Variants in FNIP2 observed in about 807,000 individuals in gnomAD.
The protein encoded by FNIP2 is folliculin-interacting protein 2.
Under a neutral mutation model 108.7 loss-of-function variants are expected in FNIP2, and 32 were observed. The observed-to-expected ratio is 0.29, with a 90% CI of 0.22 to 0.40. The LOEUF (loss-of-function observed/expected upper bound fraction) is 0.40. Ranked by LOEUF, FNIP2 falls within the 10% of genes least tolerant of loss-of-function variation. The probability of loss-of-function intolerance (pLI) is 1.00; values close to 1 mark genes in which losing one functional copy is unlikely to be tolerated. For synonymous variants in FNIP2, 480 were observed against 496.7 expected, an observed-to-expected ratio of 0.97 and a Z score of 0.45; for missense variants, 1,202 against 1,381.6, an observed-to-expected ratio of 0.87 and a Z score of 2.06.
chr4:158,903,347 C>A (rs1462396378), intron 16 of FNIP2, among the ~76,000 whole-genome samples: 1 of 152,170 alleles, frequency 6.6e-6, no homozygotes, highest in African/African-American at 2.4e-5. Context: ...CCGGGTACAT[C>A]AGTTGGAAAT....
At chr4:158,871,736 C>T in intron 14 of FNIP2, 1 of 984,788 alleles carries the variant, frequency 1.0e-6, no homozygotes, top group African/African-American at 1.7e-5. Flanking sequence ...TGCTTTTGTC[C>T]CTATAATATC....
intron 7 of FNIP2, among the ~76,000 whole-genome samples, chr4:158,843,716 G>T (rs1187705175): frequency 1.3e-5 from 2 of 152,220 alleles, no homozygotes; most frequent in African/African-American, 4.8e-5. Flanking sequence ...TGTATCGTGG[G>T]GATGGGAGAG....
chr4:158,864,520 A>G (rs1364316025), intron 12 of FNIP2, among the ~76,000 whole-genome samples: 2 of 152,138 alleles, frequency 1.3e-5, no homozygotes, highest in African/African-American at 4.8e-5. Context: ...TTAAGATACT[A>G]AACTCTCTTC....
chr4:158,869,185 T>A lies in FNIP2; in HGVS notation c.2549T>A (p.Leu850Gln). Residue 850 changes from leucine to glutamine, a missense_variant, in exon 13 of 17, where the codon CTG becomes CAG. Physicochemically the swap from Leu to Gln is moderately radical, Grantham distance 113 (BLOSUM62 -2). Coordinates refer to ENST00000264433, the MANE Select transcript of FNIP2 (RefSeq NM_020840.3). ...LYVKAAEGPV[L>Q]EPVAPRCVQR... ...GTGAAGGCTGCGGAAGGACCTGTGCTGGAGCCTGTTGCCCCCAGGTGTGTC... is the reference window on the plus strand; with the variant it reads ...GTGAAGGCTGCGGAAGGACCTGTGCAGGAGCCTGTTGCCCCCAGGTGTGTC... The A allele has an allele frequency of 1.2e-6, 2 of 1,614,062 alleles. No individual in the cohort carries two copies. The highest frequency in any genetic ancestry group is 1.7e-6 in the Non-Finnish European group (2 of 1,179,900).
At chr4:158,885,176 C>T (rs1402582334) in intron 14 of FNIP2, among the ~76,000 whole-genome samples, 1 of 151,926 alleles carries the variant, frequency 6.6e-6, no homozygotes, top group East Asian at 1.9e-4. Flanking sequence ...AAAAAATCAG[C>T]TCTCGTGAGA....
intron 1 of FNIP2, among the ~76,000 whole-genome samples, chr4:158,797,519 G>C (rs1254098441): frequency 1.3e-5 from 2 of 152,134 alleles, no homozygotes; most frequent in Non-Finnish European, 2.9e-5. Flanking sequence ...GGGCAACATG[G>C]TGAGACCCCA....
At chr4:158,770,167 A>G (rs555841107) in intron 1 of FNIP2, among the ~76,000 whole-genome samples, 5 of 110,034 alleles carry the variant, frequency 4.5e-5, no homozygotes, top group Non-Finnish European at 1.0e-4. Context: ...CTGTGTTTTG[A>G]CCCAAGCAGT....
chr4:158,860,245 A>C (rs1234269484), intron 10 of FNIP2, among the ~76,000 whole-genome samples: 1 of 152,152 alleles, frequency 6.6e-6, no homozygotes, highest in Non-Finnish European at 1.5e-5. Flanking sequence ...CACTTTCTTG[A>C]TAGGGAATGG....
intron 15 of FNIP2, among the ~76,000 whole-genome samples, chr4:158,891,899 T>C (rs1162962389): frequency 1.3e-5 from 2 of 152,048 alleles, no homozygotes; most frequent in Non-Finnish European, 1.5e-5. Flanking sequence ...AAATAAGGAA[T>C]GGGTGGAGAG....
intron 1 of FNIP2, among the ~76,000 whole-genome samples, chr4:158,813,370 G>A (rs531936531): frequency 6.6e-6 from 1 of 152,300 alleles, no homozygotes; most frequent in East Asian, 1.9e-4. Flanking sequence ...TCCAGACTTT[G>A]GCCATTCTAA....
intron 14 of FNIP2, among the ~76,000 whole-genome samples, chr4:158,881,545 TC>T (rs1781630361): frequency 1.3e-5 from 1 of 75,184 alleles, no homozygotes; most frequent in African/African-American, 6.9e-5. Context: ...CACTGCAAGC[TC>T]CCTGCCTGAT....
intron 14 of FNIP2, among the ~76,000 whole-genome samples, chr4:158,875,717 A>G (rs1781244519): frequency 6.6e-6 from 1 of 152,008 alleles, no homozygotes; most frequent in Non-Finnish European, 1.5e-5. Context: ...ATGTAGGACA[A>G]ATCCACTATT....
chr4:158,790,533 C>G (rs922121330), intron 1 of FNIP2, among the ~76,000 whole-genome samples: 3 of 152,004 alleles, frequency 2.0e-5, no homozygotes, highest in African/African-American at 7.2e-5. Flanking sequence ...AGGAGGATCA[C>G]TTGAGGCCAG....
intron 1 of FNIP2, among the ~76,000 whole-genome samples, chr4:158,816,278 G>A (rs2126527718): frequency 6.6e-6 from 1 of 152,200 alleles, no homozygotes; most frequent in East Asian, 1.9e-4. Flanking sequence ...ATCTAGAAGT[G>A]AATAACATAT....
chr4:158,789,609 C>A (rs1776336969), intron 1 of FNIP2, among the ~76,000 whole-genome samples: 1 of 152,134 alleles, frequency 6.6e-6, no homozygotes. Flanking sequence ...AGGTACAAAG[C>A]ATTGTTAGAG....
intron 1 of FNIP2, among the ~76,000 whole-genome samples, chr4:158,809,223 C>G (rs1186249662): frequency 6.6e-6 from 1 of 152,208 alleles, no homozygotes; most frequent in East Asian, 1.9e-4. Context: ...CTTTGGGAGG[C>G]TGAGGTGGGC....
At position 158,793,830 on chromosome 4, in the gene FNIP2, C is replaced by G. The variant is rs6849294; in HGVS notation, c.107+24511C>G. On this transcript the variant is annotated intron_variant, in intron 1 of 16. Coordinates refer to ENST00000264433, the MANE Select transcript of FNIP2 (RefSeq NM_020840.3). ...TGGCCACTGGGTTAGGTTTCATACTCCTTCTATTGGTTGCTGTGATGGGGT... is the reference window on the plus strand; with the variant it reads ...TGGCCACTGGGTTAGGTTTCATACTGCTTCTATTGGTTGCTGTGATGGGGT... Among the ~76,000 whole-genome samples the G allele has an allele frequency of 2.0e-5, 3 of 152,244 alleles. No individual in the cohort carries two copies. The South Asian group carries it at 6.2e-4, about 32-fold the overall frequency.
At chr4:158,814,764 A>G (rs1258432845) in intron 1 of FNIP2, among the ~76,000 whole-genome samples, 1 of 152,230 alleles carries the variant, frequency 6.6e-6, no homozygotes, top group African/African-American at 2.4e-5. Flanking sequence ...AATAAATGCC[A>G]TTGTCTAGGC....
chr4:158,885,142 T>A (rs747520078), intron 14 of FNIP2, among the ~76,000 whole-genome samples: 1 of 151,648 alleles, frequency 6.6e-6, no homozygotes, highest in Non-Finnish European at 1.5e-5. Context: ...GGCAACAGAG[T>A]GAGATTCTGT....
Sources: gnomAD v4.1 joint callset for allele counts (sites outside exome capture counted in the v4.1 genomes callset) on GRCh38, gnomAD v4.1.1 for gene constraint, MANE v1.5 for transcripts, NCBI Gene and HGNC (gene_info 2026-07-23, HGNC 2026-07-21) for gene names.